The following PCDHA13 variants were observed in gnomAD, a reference collection of about 807,000 sequenced individuals.
PCDHA13 encodes the protein protocadherin alpha 13.
A neutral mutation model predicts 64.8 loss-of-function variants in PCDHA13; 54 were observed. The observed-to-expected ratio is 0.83, with a 90% CI of 0.67 to 1.04. The LOEUF is 1.04. PCDHA13 is among the 50% of genes least tolerant of loss of function. The probability of loss-of-function intolerance (pLI) is 0.00; values close to 1 mark genes in which losing one functional copy is unlikely to be tolerated. For missense variants in PCDHA13, 1,248 were observed against 1,254.3 expected, an observed-to-expected ratio of 0.99 and a Z score of 0.08; for synonymous variants, 587 against 564.4, an observed-to-expected ratio of 1.04 and a Z score of -0.57.
At chr5:140,979,868 C>T (rs1554241158) in intron 2 of PCDHA13, among the ~76,000 whole-genome samples, 1 of 152,160 alleles carries the variant, frequency 6.6e-6, no homozygotes. Context: ...AATATCTGGG[C>T]AACTATCAAG....
Position 141,006,215 on chromosome 5 carries a change from T to A in PCDHA13, c.2543-3412T>A, listed in dbSNP as rs530559800. Among the ~76,000 whole-genome samples, 194 of 151,754 alleles carry A rather than the reference T, an allele frequency of 1.3e-3. 2 individuals carry two copies. The highest frequency in any genetic ancestry group is 4.2e-3 in the African/African-American group (174 of 41,396). ...ATGTATGTTATGCCTCATTTTTTTT[T>A]AAATTTTTTATTTTTAGATGGAGTC... On this transcript the variant is annotated intron_variant, in intron 3 of 3. Coordinates refer to ENST00000289272, the MANE Select transcript of PCDHA13 (RefSeq NM_018904.3).
In PCDHA13 at chr5:141,011,225, A is replaced by G. The variant is rs962544716; in HGVS notation, c.*1288A>G. ...ATACAGTGAGCAGATTTTTCAATCT[A>G]CTAATTCTGTGACTTGTCTTGGTGT... On this transcript the variant is annotated 3_prime_UTR_variant, in exon 4 of 4. Transcript: ENST00000289272. 6.5e-6 allele frequency: 1 copy of G among 153,740 alleles called. No homozygotes were observed. Among genetic ancestry groups the G allele is most frequent in the South Asian group, 2.1e-4 (1 of 4,826 alleles). The allele number at this position is 153,740 out of a possible 1,614,324, so 9.5% of individuals were successfully genotyped here.
chr5:140,987,536 A>G (rs555442118), intron 3 of PCDHA13, among the ~76,000 whole-genome samples: 126 of 152,290 alleles, frequency 8.3e-4, no homozygotes, highest in Non-Finnish European at 1.6e-3. Context: ...TCCTGGGACC[A>G]TTACTTAACT....
chr5:141,007,395 C>CAAAAAAA (rs35800918), intron 3 of PCDHA13, among the ~76,000 whole-genome samples: 1,149 of 94,062 alleles, frequency 0.012, no homozygotes, highest in African/African-American at 0.016. Flanking sequence ...TACTAAAATA[C>CAAAAAAA]AAAAAAAAAA....
chr5:140,896,596 C>T (rs1554187019), intron 1 of PCDHA13, among the ~76,000 whole-genome samples: 2 of 151,466 alleles, frequency 1.3e-5, no homozygotes, highest in African/African-American at 4.9e-5. Flanking sequence ...AGGCTGGTCT[C>T]GAACTCCTGG....
rs782516685 is a variant in PCDHA13, at chr5:140,883,846, G to T, written c.1578G>T (p.Glu526Asp). ...KVYALQPLDH[E>D]ELELLQFQVS... ...ACGCGCTGCAGCCGTTGGACCACGAGGAGCTGGAGCTGTTGCAGTTCCAGG... is the reference window on the plus strand; with the variant it reads ...ACGCGCTGCAGCCGTTGGACCACGATGAGCTGGAGCTGTTGCAGTTCCAGG... The change falls in exon 1 of 4, where the codon GAG (glutamate) becomes GAT (aspartate). Residue 526 changes from glutamate to aspartate, a missense_variant. Coordinates refer to ENST00000289272, the MANE Select transcript of PCDHA13 (RefSeq NM_018904.3). 7 of 1,612,790 alleles carry T rather than the reference G, an allele frequency of 4.3e-6. No individual in the cohort carries two copies. In the East Asian group the frequency reaches 1.3e-4, roughly 31 times the overall value.
At chr5:140,926,872 AC>A in intron 1 of PCDHA13, 1 of 1,525,488 alleles carries the variant, frequency 6.6e-7, no homozygotes, top group Non-Finnish European at 8.8e-7. Flanking sequence ...TGTTGGTGGA[AC>A]GTGGACGCCT....
chr5:140,982,354 A>G, intron 2 of PCDHA13, 121 bp from the exon 3 acceptor site: 2 of 1,512,522 alleles, frequency 1.3e-6, no homozygotes, highest in East Asian at 2.4e-5. Flanking sequence ...CAGTTCAAGC[A>G]TGAGCAGAAT....
chr5:140,907,789 G>A (rs187759241), intron 1 of PCDHA13, among the ~76,000 whole-genome samples: 1 of 152,330 alleles, frequency 6.6e-6, no homozygotes, highest in Non-Finnish European at 1.5e-5. Flanking sequence ...GCTGGGGAAA[G>A]AGGCTAAGTG....
intron 3 of PCDHA13, among the ~76,000 whole-genome samples, chr5:140,993,888 G>A (rs1196429613): frequency 6.6e-6 from 1 of 152,140 alleles, no homozygotes; most frequent in African/African-American, 2.4e-5. Flanking sequence ...GCTCTATGAT[G>A]TCCATACAAC....
chr5:141,002,047 C>A (rs1449885583), intron 3 of PCDHA13, among the ~76,000 whole-genome samples: 2 of 152,202 alleles, frequency 1.3e-5, no homozygotes, highest in Non-Finnish European at 2.9e-5. Flanking sequence ...TCCTGGGCAT[C>A]CAGAGGCAGC....
At chr5:140,915,264 G>A (rs536821921) in intron 1 of PCDHA13, among the ~76,000 whole-genome samples, 9 of 151,876 alleles carry the variant, frequency 5.9e-5, no homozygotes, top group Non-Finnish European at 1.3e-4. Context: ...TATTATTTTT[G>A]ACCAGTTCAT....
intron 3 of PCDHA13, among the ~76,000 whole-genome samples, chr5:141,007,388 TAAAATAC>T (rs1451350698): frequency 1.5e-5 from 1 of 67,196 alleles, no homozygotes; most frequent in Non-Finnish European, 2.7e-5. Context: ...CCATCTCTAC[TAAAATAC>T]AAAAAAAAAA....
At chr5:140,946,044 A>G (rs1435633416) in intron 1 of PCDHA13, among the ~76,000 whole-genome samples, 1 of 152,160 alleles carries the variant, frequency 6.6e-6, no homozygotes, top group East Asian at 1.9e-4. Flanking sequence ...TGAAGGGACA[A>G]TCCACAGAAT....
chr5:140,903,966 T>A (rs568850758), intron 1 of PCDHA13, among the ~76,000 whole-genome samples: 1 of 152,360 alleles, frequency 6.6e-6, no homozygotes, highest in Admixed American at 6.5e-5. Context: ...TTTGTTGATT[T>A]TTGGTCTATT....
At chr5:140,904,314 T>C (rs1554191432) in intron 1 of PCDHA13, among the ~76,000 whole-genome samples, 1 of 152,080 alleles carries the variant, frequency 6.6e-6, no homozygotes, top group Admixed American at 6.6e-5. Flanking sequence ...TTTCTTCACT[T>C]AGAATAATGG....
chr5:140,975,578 C>T (rs2096673039), intron 1 of PCDHA13, among the ~76,000 whole-genome samples: 2 of 152,232 alleles, frequency 1.3e-5, no homozygotes, highest in Non-Finnish European at 2.9e-5. Flanking sequence ...TATGCAGTCT[C>T]ATGTCCCAGA....
chr5:140,898,407 C>T (rs556061781), intron 1 of PCDHA13, among the ~76,000 whole-genome samples: 90 of 152,094 alleles, frequency 5.9e-4, no homozygotes, highest in Middle Eastern at 3.4e-3. Flanking sequence ...TTTCTACATA[C>T]GGCTAGCCAG....
chr5:140,927,643 G>A lies in PCDHA13; in HGVS notation c.2394+42981G>A. On this transcript the variant is annotated intron_variant, in intron 1 of 3. Coordinates refer to ENST00000289272, the MANE Select transcript of PCDHA13 (RefSeq NM_018904.3). The stretch of plus-strand genomic sequence containing the variant: ...TCCAGAGACTGCACCCAATGGGACT[G>A]TGTTATTCCGAGTTCAAGCCTTGGA... The A allele has an allele frequency of 3.7e-6, 6 of 1,614,170 alleles. No homozygotes were observed. Among genetic ancestry groups the A allele is most frequent in the South Asian group, 1.1e-5 (1 of 91,088 alleles).
Sources: gnomAD v4.1 joint callset for allele counts (sites outside exome capture counted in the v4.1 genomes callset) on GRCh38, gnomAD v4.1.1 for gene constraint, MANE v1.5 for transcripts, NCBI Gene and HGNC (gene_info 2026-07-23, HGNC 2026-07-21) for gene names.